Variants in PTPRD observed in about 807,000 individuals in gnomAD.
PTPRD encodes the protein receptor-type tyrosine-protein phosphatase delta.
Under a neutral mutation model 214.5 loss-of-function variants are expected in PTPRD, and 34 were observed. The ratio of observed to expected loss-of-function variants is 0.16; its 90% CI spans 0.12 to 0.21. The LOEUF (loss-of-function observed/expected upper bound fraction) is 0.21, where lower values mean the gene tolerates loss of function less well. Ranked by LOEUF, PTPRD falls within the 10% of genes least tolerant of loss-of-function variation. The pLI, the probability that PTPRD is intolerant of heterozygous loss-of-function variation, is 1.00. For missense variants in PTPRD, 2,545 were observed against 2,398.7 expected, an observed-to-expected ratio of 1.06 and a Z score of -1.27; for synonymous variants, 1,128 against 845.7, an observed-to-expected ratio of 1.33 and a Z score of -5.79.
intron 5 of PTPRD, among the ~76,000 whole-genome samples, chr9:9,867,072 G>C (rs571254546): frequency 2.6e-5 from 4 of 152,032 alleles, no homozygotes; most frequent in African/African-American, 9.7e-5. Flanking sequence ...CAAACAAAAG[G>C]GTTTCTTTAC....
chr9:9,065,762 A>G (rs2099729085), intron 10 of PTPRD, among the ~76,000 whole-genome samples: 1 of 152,158 alleles, frequency 6.6e-6, no homozygotes, highest in African/African-American at 2.4e-5. Context: ...ATGATACATT[A>G]ATGTCTCTGG....
At chr9:10,023,830 C>T (rs2096870554) in intron 4 of PTPRD, among the ~76,000 whole-genome samples, 1 of 151,832 alleles carries the variant, frequency 6.6e-6, no homozygotes, top group Non-Finnish European at 1.5e-5. Context: ...TCTTCACATT[C>T]ATGATAGACA....
intron 7 of PTPRD, among the ~76,000 whole-genome samples, chr9:9,688,732 T>C (rs896153638): frequency 4.0e-5 from 6 of 151,898 alleles, no homozygotes; most frequent in African/African-American, 1.2e-4. Context: ...GTGATATTTC[T>C]CTAATTTCCT....
At chr9:9,196,222 T>C (rs1416717006) in intron 9 of PTPRD, among the ~76,000 whole-genome samples, 1 of 152,178 alleles carries the variant, frequency 6.6e-6, no homozygotes, top group South Asian at 2.1e-4. Flanking sequence ...ATTACCAATA[T>C]CTTAAGGTTT....
At chr9:10,317,117 G>T (rs2096455523) in intron 3 of PTPRD, among the ~76,000 whole-genome samples, 1 of 151,846 alleles carries the variant, frequency 6.6e-6, no homozygotes, top group Admixed American at 6.6e-5. Flanking sequence ...TGGCTATTGA[G>T]CCTAACATTT....
At chr9:9,992,920 G>A (rs2154081456) in intron 4 of PTPRD, among the ~76,000 whole-genome samples, 1 of 152,020 alleles carries the variant, frequency 6.6e-6, no homozygotes, top group African/African-American at 2.4e-5. Flanking sequence ...TGCACGTTGT[G>A]CACATGTACC....
At chr9:9,610,755 T>C (rs533024457) in intron 7 of PTPRD, among the ~76,000 whole-genome samples, 1 of 152,232 alleles carries the variant, frequency 6.6e-6, no homozygotes, top group African/African-American at 2.4e-5. Flanking sequence ...ATAAAAGTAA[T>C]TCATTCTCAT....
intron 3 of PTPRD, among the ~76,000 whole-genome samples, chr9:10,156,108 G>A (rs1370907338): frequency 6.6e-6 from 1 of 151,076 alleles, no homozygotes; most frequent in Non-Finnish European, 1.5e-5. Flanking sequence ...GTGTGTGTGT[G>A]TGTGTGTGTG....
At chr9:9,797,002 T>A (rs1272388692) in intron 5 of PTPRD, among the ~76,000 whole-genome samples, 1 of 152,196 alleles carries the variant, frequency 6.6e-6, no homozygotes, top group East Asian at 1.9e-4. Flanking sequence ...TATCAACTAA[T>A]AGAGATGGAA....
intron 4 of PTPRD, among the ~76,000 whole-genome samples, chr9:10,009,161 A>G (rs1447643056): frequency 6.6e-6 from 1 of 152,000 alleles, no homozygotes; most frequent in Non-Finnish European, 1.5e-5. Flanking sequence ...AGAGTCTTAA[A>G]GCTTTCGCCT....
At chr9:9,112,230 G>C (rs552606790) in intron 10 of PTPRD, among the ~76,000 whole-genome samples, 1 of 152,096 alleles carries the variant, frequency 6.6e-6, no homozygotes, top group Non-Finnish European at 1.5e-5. Context: ...GCATCTCACT[G>C]GGTGCCCTCC....
At chr9:10,290,956 C>G (rs932591841) in intron 3 of PTPRD, among the ~76,000 whole-genome samples, 5 of 151,304 alleles carry the variant, frequency 3.3e-5, no homozygotes, top group African/African-American at 1.2e-4. Flanking sequence ...TGTTGTTTAG[C>G]TAATATTGAC....
intron 14 of PTPRD, among the ~76,000 whole-genome samples, chr9:8,580,519 GCA>G (rs927576882): frequency 1.3e-5 from 2 of 152,172 alleles, no homozygotes; most frequent in African/African-American, 4.8e-5. Context: ...AGTGAATACA[GCA>G]CCTGAATGTA....
intron 5 of PTPRD, among the ~76,000 whole-genome samples, chr9:9,882,827 C>A (rs973871655): frequency 6.6e-6 from 1 of 152,072 alleles, no homozygotes; most frequent in Non-Finnish European, 1.5e-5. Context: ...AAGTGGGGGC[C>A]TAATGGGAAG....
At chr9:8,449,594 A>C (rs1328023169) in intron 34 of PTPRD, 131 bp downstream of exon 34, 2 of 834,512 alleles carry the variant, frequency 2.4e-6, no homozygotes, top group Non-Finnish European at 3.6e-6. Flanking sequence ...AAGTCTCCAT[A>C]ATAGTAAAAT....
intron 2 of PTPRD, among the ~76,000 whole-genome samples, chr9:10,471,625 C>G (rs951203754): frequency 6.6e-6 from 1 of 152,090 alleles, no homozygotes; most frequent in African/African-American, 2.4e-5. Flanking sequence ...CACAGTGTCT[C>G]ATACACAGTA....
intron 5 of PTPRD, among the ~76,000 whole-genome samples, chr9:9,844,558 CA>C (rs1008728470): frequency 6.6e-6 from 1 of 151,122 alleles, no homozygotes; most frequent in Non-Finnish European, 1.5e-5. Context: ...ATAGCATAAA[CA>C]AAAAATAAAA....
chr9:10,208,325 T>A (rs1454662888), intron 3 of PTPRD, among the ~76,000 whole-genome samples: 2 of 152,154 alleles, frequency 1.3e-5, no homozygotes, highest in Admixed American at 6.5e-5. Context: ...CCATCCTGGC[T>A]AACACGGTGA....
At chr9:9,002,132 G>A (rs2099424608) in intron 11 of PTPRD, among the ~76,000 whole-genome samples, 1 of 151,716 alleles carries the variant, frequency 6.6e-6, no homozygotes, top group South Asian at 2.1e-4. Flanking sequence ...AACATAGCCT[G>A]ATTCATAATA....
Sources: allele counts gnomAD v4.1 joint callset (sites outside exome capture counted in the v4.1 genomes callset), GRCh38; gene constraint gnomAD v4.1.1; transcripts MANE v1.5; gene names NCBI Gene and HGNC (gene_info 2026-07-23, HGNC 2026-07-21).